ZNF326: variants seen among roughly 807,000 people sequenced by gnomAD.
The protein encoded by ZNF326 is DBIRD complex subunit ZNF326.
Under a neutral mutation model 63.1 loss-of-function variants are expected in ZNF326, and 30 were observed. That is an observed-to-expected ratio of 0.48 (90% CI 0.36 to 0.64). ZNF326 has a LOEUF of 0.64. Among genes scored for constraint, ZNF326 ranks in the 30% least tolerant of loss-of-function variants. ZNF326 has a pLI of 0.00. For synonymous variants in ZNF326, 194 were observed against 228.2 expected (o/e 0.85, Z 1.35); for missense variants, 609 against 720.3 (o/e 0.85, Z 1.77).
rs372199934 is a variant in ZNF326, at chr1:90,031,305, A to AACT, written c.*3607_*3609dup. On this transcript the variant is annotated 3_prime_UTR_variant, in exon 12 of 12. Transcript: ENST00000340281. ...TTGTACATGTAGAAACAGAGAAAAG[A>AACT]ACTACAAAGGTAAATGTTAGTGCAT... 1.6e-3 allele frequency: 245 copies of AACT among 152,354 alleles called. 1 individual carries two copies. The highest frequency in any genetic ancestry group is 5.5e-3 in the African/African-American group (229 of 41,586). 9.4% of individuals were successfully genotyped at this position (152,354 alleles called of 1,614,324 possible). A position where few individuals can be genotyped will look rare whatever the true frequency, so the allele number is the denominator to read the frequency against.
At chr1:90,017,986 T>C (rs1349974409) in intron 8 of ZNF326, among the ~76,000 whole-genome samples, 1 of 152,080 alleles carries the variant, frequency 6.6e-6, no homozygotes, top group Non-Finnish European at 1.5e-5. Context: ...GGTGGAATTA[T>C]TAGAAAGTTA....
chr1:90,020,082 T>G (rs1235790861), intron 9 of ZNF326, among the ~76,000 whole-genome samples: 4 of 152,140 alleles, frequency 2.6e-5, no homozygotes, highest in African/African-American at 7.2e-5. Flanking sequence ...TCTTGACAAT[T>G]GTAGTATTTC....
intron 2 of ZNF326, among the ~76,000 whole-genome samples, chr1:90,001,538 T>C (rs1648677893): frequency 6.8e-6 from 1 of 146,794 alleles, no homozygotes; most frequent in African/African-American, 2.5e-5. Flanking sequence ...GTTATTTTGG[T>C]CATAGGTCAG....
chr1:90,011,895 T>TG (rs1330480881), intron 6 of ZNF326, among the ~76,000 whole-genome samples: 1 of 152,202 alleles, frequency 6.6e-6, no homozygotes, highest in Non-Finnish European at 1.5e-5. Flanking sequence ...TGGAGTGCAG[T>TG]GGTGCAGTCT....
intron 9 of ZNF326, among the ~76,000 whole-genome samples, chr1:90,019,243 A>G (rs1392753364): frequency 6.6e-6 from 1 of 152,160 alleles, no homozygotes; most frequent in African/African-American, 2.4e-5. Flanking sequence ...GGAAAGAAAA[A>G]CAGACACTAG....
Position 90,027,980 on chromosome 1 carries a change from C to A in ZNF326, c.*279C>A, listed in dbSNP as rs1650104430. 5.2e-6 allele frequency: 2 copies of A among 386,120 alleles called. No individual in the cohort carries two copies. Among genetic ancestry groups the A allele is most frequent in the South Asian group, 6.5e-5 (2 of 30,804 alleles). The allele number at this position is 386,120 out of a possible 1,614,324, so 23.9% of individuals were successfully genotyped here. ...ATTACTTTATTGGTGTTAAGGATAACAAATGTGTATTGTTAGTATATCTAT... is the reference window on the plus strand; with the variant it reads ...ATTACTTTATTGGTGTTAAGGATAAAAAATGTGTATTGTTAGTATATCTAT... On this transcript the variant is annotated 3_prime_UTR_variant, in exon 12 of 12. Coordinates refer to ENST00000340281, the MANE Select transcript of ZNF326 (RefSeq NM_182976.4).
intron 7 of ZNF326, among the ~76,000 whole-genome samples, chr1:90,014,023 C>A (rs1029453256): frequency 5.3e-5 from 8 of 151,588 alleles, no homozygotes; most frequent in African/African-American, 1.9e-4. Context: ...TGAGATTGAG[C>A]CACTGCACTC....
At chr1:90,003,826 C>T (rs1032249621) in intron 2 of ZNF326, among the ~76,000 whole-genome samples, 3 of 152,006 alleles carry the variant, frequency 2.0e-5, no homozygotes, top group Admixed American at 1.3e-4. Context: ...AGGTTGCTAC[C>T]AGGTTTAAAG....
At position 90,005,396 on chromosome 1, in the gene ZNF326, G is replaced by A. The variant is rs1047412309; in HGVS notation, c.209+152G>A. ...AATATTTAAAGGTGTTAATTAATGG[G>A]TATAAAATTTAAATCAGTATTACTG... On this transcript the variant is annotated intron_variant, in intron 4 of 11. Coordinates refer to ENST00000340281, the MANE Select transcript of ZNF326 (RefSeq NM_182976.4). The A allele has an allele frequency of 2.9e-6, 4 of 1,373,144 alleles. No individual in the cohort carries two copies. The Middle Eastern group carries it at 7.7e-4, about 266-fold the overall frequency. The allele number at this position is 1,373,144 out of a possible 1,614,324, so 85.1% of individuals were successfully genotyped here. A position where few individuals can be genotyped will look rare whatever the true frequency, so the allele number is the denominator to read the frequency against.
chr1:90,013,476 G>A (rs1649351446), intron 7 of ZNF326, among the ~76,000 whole-genome samples: 1 of 152,122 alleles, frequency 6.6e-6, no homozygotes. Flanking sequence ...AGAAATAACA[G>A]TATTCTTAAA....
At position 90,007,430 on chromosome 1, in the gene ZNF326, G is replaced by A. The variant is rs1356457768; in HGVS notation, c.295G>A (p.Glu99Lys). The change falls in exon 5 of 12, where the codon GAA becomes AAA. Residue 99 changes from glutamate to lysine, a missense_variant. Glu to Lys is a moderately conservative substitution (Grantham distance 56). Around this residue, in one of 3 missense-constraint regions of ZNF326, gnomAD observed 113 missense variants for 187.4 expected, o/e 0.60. Coordinates refer to ENST00000340281, the MANE Select transcript of ZNF326 (RefSeq NM_182976.4). The surrounding 1 kb of genome is among the most constrained non-coding windows in gnomAD (Gnocchi z 4.9). The part of the protein sequence containing the change: ...YRSGYGFNEP[E>K]QSRFGGSYGG... ...ATCTGGCTATGGTTTTAATGAACCC[G>A]AACAAAGCCGCTTCGGAGGTAGTTA... is the stretch of plus-strand genomic sequence containing the variant. 8 of 1,614,064 alleles carry A rather than the reference G, an allele frequency of 5.0e-6. No homozygotes were observed. Among genetic ancestry groups the A allele is most frequent in the South Asian group, 1.1e-5 (1 of 91,068 alleles).
chr1:90,017,108 G>A (rs935642355), intron 7 of ZNF326, among the ~76,000 whole-genome samples: 19 of 152,142 alleles, frequency 1.2e-4, no homozygotes, highest in Admixed American at 1.1e-3. Context: ...CTCCAAGGTG[G>A]GCTAGAAATG....
chr1:90,020,955 A>G (rs774696466), intron 10 of ZNF326, 33 bp downstream of exon 10: 1 of 1,603,696 alleles, frequency 6.2e-7, no homozygotes, highest in Non-Finnish European at 8.5e-7. Context: ...TAAAGTTGCC[A>G]GATTATCCAT....
intron 10 of ZNF326, 25 bp from the exon 11 acceptor site, chr1:90,022,225 C>T: frequency 3.3e-6 from 5 of 1,498,932 alleles, no homozygotes; most frequent in South Asian, 1.2e-5. Context: ...TTTCAAGAAC[C>T]CTCAGTGTGT....
At chr1:90,026,320 CT>C (rs1650014887) in intron 11 of ZNF326, among the ~76,000 whole-genome samples, 1 of 152,008 alleles carries the variant, frequency 6.6e-6, no homozygotes, top group Non-Finnish European at 1.5e-5. Context: ...TATTGCAGCC[CT>C]TTTTTCTACT....
intron 2 of ZNF326, among the ~76,000 whole-genome samples, chr1:89,999,931 G>A (rs1648586179): frequency 6.6e-6 from 1 of 152,142 alleles, no homozygotes. Context: ...GGATGAAATA[G>A]TAAACAAGAT....
chr1:90,027,803 A>G lies in ZNF326; in HGVS notation c.*102A>G. 7 of 1,059,048 alleles carry G rather than the reference A, an allele frequency of 6.6e-6. No individual in the cohort carries two copies. The highest frequency in any genetic ancestry group is 8.3e-6 in the Non-Finnish European group (6 of 722,436). The allele number at this position is 1,059,048 out of a possible 1,614,324, so 65.6% of individuals were successfully genotyped here. On this transcript the variant is annotated 3_prime_UTR_variant, in exon 12 of 12. Coordinates refer to ENST00000340281, the MANE Select transcript of ZNF326 (RefSeq NM_182976.4). ...AAATATGAATTAACACCCATGTTGC[A>G]TGCATTCCACATATTAAAATTTGTT... is the stretch of plus-strand genomic sequence containing the variant.
intron 2 of ZNF326, among the ~76,000 whole-genome samples, chr1:90,003,593 CAG>C (rs1427596300): frequency 6.6e-6 from 1 of 152,086 alleles, no homozygotes; most frequent in East Asian, 1.9e-4. Flanking sequence ...GAGAGAGTAT[CAG>C]TAAAAGTTTT....
chr1:90,002,267 T>C (rs1264210430), intron 2 of ZNF326, among the ~76,000 whole-genome samples: 3 of 152,210 alleles, frequency 2.0e-5, no homozygotes, highest in Non-Finnish European at 4.4e-5. Flanking sequence ...TTATTAATTT[T>C]TGTACATTTC....
Sources: allele counts gnomAD v4.1 joint callset (sites outside exome capture counted in the v4.1 genomes callset), GRCh38; gene constraint gnomAD v4.1.1; regional missense constraint gnomAD v4.1.1; non-coding constraint Gnocchi (gnomAD v3.1); transcripts MANE v1.5; gene names NCBI Gene and HGNC (gene_info 2026-07-23, HGNC 2026-07-21).